The following SDK1 variants were observed in gnomAD, a reference collection of about 807,000 sequenced individuals.
SDK1 encodes protein sidekick-1.
Under a neutral mutation model 245.5 loss-of-function variants are expected in SDK1, and 157 were observed. That is an observed-to-expected ratio of 0.64 (90% CI 0.56 to 0.73). The LOEUF (loss-of-function observed/expected upper bound fraction) is 0.73. Among genes scored for constraint, SDK1 ranks in the 30% least tolerant of loss-of-function variants. SDK1 has a pLI of 0.00. For synonymous variants in SDK1, 1,647 were observed against 1,278.5 expected (o/e 1.29, Z -6.15); for missense variants, 3,583 against 3,002.3 (o/e 1.19, Z -4.52).
At chr7:3,851,007 C>G (rs950458679) in intron 5 of SDK1, among the ~76,000 whole-genome samples, 1 of 147,268 alleles carries the variant, frequency 6.8e-6, no homozygotes, top group African/African-American at 2.5e-5. Context: ...TAAAGTATAA[C>G]AAAAAAAAAA....
intron 22 of SDK1, among the ~76,000 whole-genome samples, chr7:4,080,981 A>T (rs972457404): frequency 6.6e-6 from 1 of 152,250 alleles, no homozygotes; most frequent in African/African-American, 2.4e-5. Flanking sequence ...ACAATGTCTC[A>T]TGAAAACCAA....
chr7:4,137,158 G>A (rs1025476852), intron 28 of SDK1, among the ~76,000 whole-genome samples: 4 of 152,210 alleles, frequency 2.6e-5, no homozygotes, highest in Admixed American at 1.3e-4. Flanking sequence ...AGCTGGGCAC[G>A]GTGGCACACA....
At chr7:3,839,049 G>C (rs1290093088) in intron 5 of SDK1, among the ~76,000 whole-genome samples, 1 of 152,120 alleles carries the variant, frequency 6.6e-6, no homozygotes, top group Non-Finnish European at 1.5e-5. Flanking sequence ...GACTCCAGGG[G>C]ATATTCAGCA....
intron 4 of SDK1, among the ~76,000 whole-genome samples, chr7:3,818,169 C>G (rs185516537): frequency 2.6e-4 from 39 of 152,156 alleles, no homozygotes; most frequent in African/African-American, 8.9e-4. Flanking sequence ...TGGGGGAAGA[C>G]TAAGGAAGTA....
chr7:4,119,475 G>C lies in SDK1; in HGVS notation c.3823+5201G>C, dbSNP rs115794102. Among the ~76,000 whole-genome samples the C allele has an allele frequency of 5.4e-3, 803 of 148,178 alleles. 56 individuals carry two copies. The highest frequency in any genetic ancestry group is 0.018 in the African/African-American group (720 of 40,630). On this transcript the variant is annotated intron_variant, in intron 25 of 44. Coordinates refer to ENST00000404826, the MANE Select transcript of SDK1 (RefSeq NM_152744.4). The stretch of plus-strand genomic sequence containing the variant: ...GTCTCTAAAAAAAATAATAAGAATG[G>C]CTCATAGATTGTACACTTTGCGTAT...
intron 22 of SDK1, among the ~76,000 whole-genome samples, chr7:4,097,500 C>A (rs1445395043): frequency 6.6e-6 from 1 of 152,188 alleles, no homozygotes; most frequent in African/African-American, 2.4e-5. Context: ...CACATGCCAT[C>A]CGGGACAGAC....
At chr7:3,305,563 C>T (rs1456224808) in intron 1 of SDK1, among the ~76,000 whole-genome samples, 2 of 152,164 alleles carry the variant, frequency 1.3e-5, no homozygotes, top group African/African-American at 2.4e-5. Context: ...TCCAGAAGTA[C>T]TTTGCTTCCC....
At chr7:4,101,483 A>AAAATAGTTCAAGC (rs1782540142) in intron 22 of SDK1, among the ~76,000 whole-genome samples, 1 of 152,194 alleles carries the variant, frequency 6.6e-6, no homozygotes. Context: ...CCGATCTGTC[A>AAAATAGTTCAAGC]AAATAGTTCA....
chr7:4,005,753 G>A (rs1177043198), intron 14 of SDK1, among the ~76,000 whole-genome samples: 2 of 152,138 alleles, frequency 1.3e-5, no homozygotes, highest in African/African-American at 4.8e-5. Flanking sequence ...TCTCCCTGCT[G>A]GGCTTGGTGG....
intron 9 of SDK1, among the ~76,000 whole-genome samples, chr7:3,964,599 A>T (rs1472710071): frequency 6.6e-6 from 1 of 152,122 alleles, no homozygotes; most frequent in South Asian, 2.1e-4. Flanking sequence ...AAAGGTTTTC[A>T]TTGTTTCTGT....
chr7:3,762,889 G>A (rs1177943948), intron 4 of SDK1, among the ~76,000 whole-genome samples: 2 of 152,140 alleles, frequency 1.3e-5, no homozygotes, highest in Middle Eastern at 3.2e-3. Context: ...GTTGCCTACA[G>A]GTTTTTAGTC....
chr7:3,368,056 A>G (rs1781134795), intron 1 of SDK1, among the ~76,000 whole-genome samples: 1 of 152,236 alleles, frequency 6.6e-6, no homozygotes, highest in African/African-American at 2.4e-5. Context: ...TTATAATTCT[A>G]AGAGAAAACA....
At chr7:3,894,765 C>G (rs1274481435) in intron 5 of SDK1, among the ~76,000 whole-genome samples, 1 of 145,636 alleles carries the variant, frequency 6.9e-6, no homozygotes, top group East Asian at 2.0e-4. Flanking sequence ...GTGATGCAAT[C>G]TCGGTTCACT....
chr7:3,786,979 G>T (rs778681436), intron 4 of SDK1, among the ~76,000 whole-genome samples: 1 of 151,858 alleles, frequency 6.6e-6, no homozygotes, highest in Non-Finnish European at 1.5e-5. Flanking sequence ...TATAAACATT[G>T]TTCTCTTACT....
At chr7:3,684,016 G>A (rs958179973) in intron 4 of SDK1, among the ~76,000 whole-genome samples, 1 of 152,128 alleles carries the variant, frequency 6.6e-6, no homozygotes, top group African/African-American at 2.4e-5. Flanking sequence ...GAAAGGTAAT[G>A]TGCATCTCCA....
At chr7:4,147,618 T>A (rs1485116678) in intron 29 of SDK1, among the ~76,000 whole-genome samples, 3 of 152,022 alleles carry the variant, frequency 2.0e-5, no homozygotes, top group African/African-American at 7.3e-5. Flanking sequence ...ATTACCACTA[T>A]CATTATTATT....
chr7:3,687,537 A>C (rs1402792310), intron 4 of SDK1, among the ~76,000 whole-genome samples: 4 of 152,184 alleles, frequency 2.6e-5, no homozygotes, highest in African/African-American at 9.7e-5. Flanking sequence ...GCTGCTTCGC[A>C]CTGAAAAGGT....
intron 17 of SDK1, among the ~76,000 whole-genome samples, chr7:4,046,922 G>C (rs537739199): frequency 6.6e-6 from 1 of 151,984 alleles, no homozygotes; most frequent in African/African-American, 2.4e-5. Flanking sequence ...TATATTGATT[G>C]GTTTGGGGAG....
chr7:3,547,781 G>A (rs1779276754), intron 1 of SDK1, among the ~76,000 whole-genome samples: 1 of 152,180 alleles, frequency 6.6e-6, no homozygotes, highest in South Asian at 2.1e-4. Context: ...AGGTTGAGAT[G>A]TGTGCACACT....
Sources: gnomAD v4.1 joint callset for allele counts (sites outside exome capture counted in the v4.1 genomes callset) on GRCh38, gnomAD v4.1.1 for gene constraint, MANE v1.5 for transcripts, NCBI Gene and HGNC (gene_info 2026-07-23, HGNC 2026-07-21) for gene names.